Variants in PHACTR2 observed in about 807,000 individuals in gnomAD.
The protein encoded by PHACTR2 is phosphatase and actin regulator 2, also known as chromosome 6 open reading frame 56.
In PHACTR2, 30 loss-of-function variants were observed where a neutral mutation model predicts 76.0. That is an observed-to-expected ratio of 0.39 (90% CI 0.30 to 0.54). The LOEUF (loss-of-function observed/expected upper bound fraction) is 0.54. Among genes scored for constraint, PHACTR2 ranks in the 20% least tolerant of loss-of-function variants. The pLI is 0.61. For missense variants in PHACTR2, 696 were observed against 781.1 expected (o/e 0.89, Z 1.30); for synonymous variants, 292 against 292.5 (o/e 1.00, Z 0.02).
At chr6:143,630,894 A>G (rs781223837) in intron 1 of PHACTR2, among the ~76,000 whole-genome samples, 3 of 152,234 alleles carry the variant, frequency 2.0e-5, no homozygotes, top group Non-Finnish European at 4.4e-5. Context: ...ACAAAAAGTC[A>G]TTCCTAGGTC....
In PHACTR2 at chr6:143,596,343, T is replaced by C. The variant is rs1262832896; in HGVS notation, c.217+59136T>C. Among the ~76,000 whole-genome samples the C allele has an allele frequency of 1.3e-5, 2 of 152,204 alleles. No individual in the cohort carries two copies. The highest frequency in any genetic ancestry group is 4.8e-5 in the African/African-American group (2 of 41,448). On this transcript the variant is annotated intron_variant, in intron 1 of 11. Transcript: ENST00000367584. This position sits in a 1 kb window ranked among gnomAD's most constrained non-coding sequence, Gnocchi z 4.6. ...GGGTCGTCCTTTCTCAGAAGGTTTA[T>C]TTCTTGGTGGTGATCTTGTTATTGA...
chr6:143,768,301 T>C (rs1005484819), intron 6 of PHACTR2, among the ~76,000 whole-genome samples: 3 of 152,198 alleles, frequency 2.0e-5, no homozygotes, highest in African/African-American at 7.2e-5. Flanking sequence ...TTACAGCATA[T>C]ATTTTTTGAT....
In PHACTR2 at chr6:143,672,276, C is replaced by T. The variant is rs1227773096; in HGVS notation, c.14-39740C>T. ...AGCAAGCCTGGGCAATATAGTGAGA[C>T]CCTATCTCTACAAAAAAAAAAAAAA... On this transcript the variant is annotated intron_variant, in intron 1 of 11. Coordinates refer to the PHACTR2 transcript ENST00000305766. This position sits in a 1 kb window ranked among gnomAD's most constrained non-coding sequence, Gnocchi z 5.8. Among the ~76,000 whole-genome samples the T allele has an allele frequency of 1.3e-5, 2 of 149,710 alleles. No individual in the cohort carries two copies. The highest frequency in any genetic ancestry group is 3.9e-4 in the East Asian group (2 of 5,174).
intron 9 of PHACTR2, among the ~76,000 whole-genome samples, chr6:143,781,618 C>T (rs1775436368): frequency 6.6e-6 from 1 of 152,166 alleles, no homozygotes; most frequent in Non-Finnish European, 1.5e-5. Flanking sequence ...CCTTGTAAAG[C>T]TCTGGTTTAA....
At chr6:143,587,678 T>C (rs9496687) in intron 1 of PHACTR2, among the ~76,000 whole-genome samples, 106,781 of 151,938 alleles carry the variant, frequency 0.7, 37,919 homozygotes, top group Middle Eastern at 0.8. Flanking sequence ...ACTCACTACT[T>C]TTTCATCCAT....
chr6:143,596,601 T>A lies in PHACTR2; in HGVS notation c.217+59394T>A. Among the ~76,000 whole-genome samples, 1 of 152,148 alleles carries A rather than the reference T, an allele frequency of 6.6e-6. No homozygotes were observed. The highest frequency in any genetic ancestry group is 2.1e-4 in the South Asian group (1 of 4,824). ...TGCCTGTAATCCCAGCATTATGGGATGCCAAGGTGGGAGGATCACATGAGC... is the reference window on the plus strand; with the variant it reads ...TGCCTGTAATCCCAGCATTATGGGAAGCCAAGGTGGGAGGATCACATGAGC... On this transcript the variant is annotated intron_variant, in intron 1 of 11. Coordinates refer to the PHACTR2 transcript ENST00000367584. This position sits in a 1 kb window ranked among gnomAD's most constrained non-coding sequence, Gnocchi z 4.6.
rs149982166 is a variant in PHACTR2 at position 143,668,743 on chromosome 6, G to A, written c.14-43273G>A. Among the ~76,000 whole-genome samples the A allele has an allele frequency of 2.1e-3, 317 of 151,986 alleles. 2 individuals carry two copies. The highest frequency in any genetic ancestry group is 7.1e-3 in the African/African-American group (293 of 41,476). On this transcript the variant is annotated intron_variant, in intron 1 of 11. Transcript: ENST00000305766. ...AATATCCCCTTTATCATTTTTTATCGTGTCTATTTGATTCTTCTCTCTTCT... is the reference window on the plus strand; with the variant it reads ...AATATCCCCTTTATCATTTTTTATCATGTCTATTTGATTCTTCTCTCTTCT...
Position 143,621,934 on chromosome 6 carries a change from C to A in PHACTR2, c.13+13612C>A, listed in dbSNP as rs1467426820. Among the ~76,000 whole-genome samples the A allele has an allele frequency of 6.6e-6, 1 of 152,144 alleles. No individual in the cohort carries two copies. Among genetic ancestry groups the A allele is most frequent in the Non-Finnish European group, 1.5e-5 (1 of 68,032 alleles). On this transcript the variant is annotated intron_variant, in intron 1 of 11. Coordinates refer to the PHACTR2 transcript ENST00000305766. The surrounding 1 kb of genome is among the most constrained non-coding windows in gnomAD (Gnocchi z 4.1). ...TGTTGTGCACTTGCTTCTGGCAGCT[C>A]CCATCTCCCTCCTTCTAATCTGCTG...
rs897684853 is a variant in PHACTR2, at chr6:143,597,971, G to A, written c.217+60764G>A. Reference sequence around the variant, plus strand: ...CTTCAGGTGCACCTACGGAAGTAGCGGTGGGGGCTTTGGCTGTTTCTGAGC... The same window carrying A: ...CTTCAGGTGCACCTACGGAAGTAGCAGTGGGGGCTTTGGCTGTTTCTGAGC... On this transcript the variant is annotated intron_variant, in intron 1 of 11. Transcript: ENST00000367584. The surrounding 1 kb of genome is among the most constrained non-coding windows in gnomAD (Gnocchi z 5.7). Among the ~76,000 whole-genome samples the A allele has an allele frequency of 3.3e-5, 5 of 152,108 alleles. No individual in the cohort carries two copies. Among genetic ancestry groups the A allele is most frequent in the Admixed American group, 6.5e-5 (1 of 15,270 alleles).
chr6:143,710,545 T>C lies in PHACTR2; in HGVS notation c.47-1471T>C, dbSNP rs1247468687. 1.3e-5 allele frequency among the ~76,000 whole-genome samples: 2 copies of C among 152,032 alleles called. No individual in the cohort carries two copies. The highest frequency in any genetic ancestry group is 2.9e-5 in the Non-Finnish European group (2 of 67,992). On this transcript the variant is annotated intron_variant, in intron 1 of 12. Coordinates refer to ENST00000440869, the MANE Select transcript of PHACTR2 (RefSeq NM_001100164.2). This position sits in a 1 kb window ranked among gnomAD's most constrained non-coding sequence, Gnocchi z 4.9. ...CCGTCTCTACTAAAAATACAAAAATTAGCCAGGCCTGGTGGCATGTGCCTG... is the reference window on the plus strand; with the variant it reads ...CCGTCTCTACTAAAAATACAAAAATCAGCCAGGCCTGGTGGCATGTGCCTG...
At chr6:143,707,185 AAC>A (rs1778074616) in intron 1 of PHACTR2, among the ~76,000 whole-genome samples, 1 of 152,174 alleles carries the variant, frequency 6.6e-6, no homozygotes, top group Non-Finnish European at 1.5e-5. Flanking sequence ...ACAAAAAAAT[AAC>A]AAAGCCTGGA....
chr6:143,592,131 A>T lies in PHACTR2; in HGVS notation c.217+54924A>T, dbSNP rs543212711. ...CTCTCTCAGTGCCACCATGTTCCAG[A>T]TCATTATGAAGGTGTATTGGTTAAG... On this transcript the variant is annotated intron_variant, in intron 1 of 11. Coordinates refer to the PHACTR2 transcript ENST00000367584. This position sits in a 1 kb window ranked among gnomAD's most constrained non-coding sequence, Gnocchi z 4.0. Among the ~76,000 whole-genome samples, 2 of 152,304 alleles carry T rather than the reference A, an allele frequency of 1.3e-5. No homozygotes were observed. Among genetic ancestry groups the T allele is most frequent in the South Asian group, 4.1e-4 (2 of 4,826 alleles).
In PHACTR2 at chr6:143,731,925, T is replaced by G. The variant is rs2128465822; in HGVS notation, c.215-17060T>G. Among the ~76,000 whole-genome samples, 1 of 152,382 alleles carries G rather than the reference T, an allele frequency of 6.6e-6. No homozygotes were observed. Among genetic ancestry groups the G allele is most frequent in the East Asian group, 1.9e-4 (1 of 5,196 alleles). ...TATAGGACCATTCAGGTGATCTCTT[T>G]TAACTTGGGTAAGTTTAAGCAGGCC... On this transcript the variant is annotated intron_variant, in intron 2 of 12. Transcript: ENST00000440869. The surrounding 1 kb of genome is among the most constrained non-coding windows in gnomAD (Gnocchi z 4.9).
intron 1 of PHACTR2, among the ~76,000 whole-genome samples, chr6:143,564,542 G>A (rs918812432): frequency 2.0e-5 from 3 of 152,010 alleles, no homozygotes; most frequent in East Asian, 3.9e-4. Context: ...TCATTAGAGG[G>A]GGAAGCCTGG....
rs1371049834 is a variant in PHACTR2 at position 143,549,665 on chromosome 6, C to T, written c.217+12458C>T. On this transcript the variant is annotated intron_variant, in intron 1 of 11. Transcript: ENST00000367584. This position sits in a 1 kb window ranked among gnomAD's most constrained non-coding sequence, Gnocchi z 4.2. ...ACATTAAAATCTGTAAGCAAATGTC[C>T]CTGTTCCACCTCCCCTTCCTGAGCT... Among the ~76,000 whole-genome samples the T allele has an allele frequency of 6.6e-6, 1 of 151,966 alleles. No individual in the cohort carries two copies. The highest frequency in any genetic ancestry group is 1.9e-4 in the East Asian group (1 of 5,192).
rs1776419064 is a variant in PHACTR2, at chr6:143,821,609, A to G, written c.1923-2065A>G. On this transcript the variant is annotated intron_variant, in intron 12 of 12. Coordinates refer to ENST00000440869, the MANE Select transcript of PHACTR2 (RefSeq NM_001100164.2). This position sits in a 1 kb window ranked among gnomAD's most constrained non-coding sequence, Gnocchi z 5.2. Reference sequence around the variant, plus strand: ...TTATGGGAACACAGGAAAGAGAGCAATTAGTGCTTCCCTGAGCAGTGGAGA... The same window carrying G: ...TTATGGGAACACAGGAAAGAGAGCAGTTAGTGCTTCCCTGAGCAGTGGAGA... 6.6e-6 allele frequency among the ~76,000 whole-genome samples: 1 copy of G among 152,242 alleles called. No individual in the cohort carries two copies. Among genetic ancestry groups the G allele is most frequent in the Non-Finnish European group, 1.5e-5 (1 of 68,040 alleles).
rs1775700732 is a variant in PHACTR2 at position 143,791,942 on chromosome 6, C to T, written c.1845+3032C>T. ...ATTTTCAGGGTACATTTCATCACTC[C>T]CTGCCTATCCCCTTACTTACTAAGC... On this transcript the variant is annotated intron_variant, in intron 11 of 12. Coordinates refer to ENST00000440869, the MANE Select transcript of PHACTR2 (RefSeq NM_001100164.2). This position sits in a 1 kb window ranked among gnomAD's most constrained non-coding sequence, Gnocchi z 4.7. Among the ~76,000 whole-genome samples the T allele has an allele frequency of 6.6e-6, 1 of 152,104 alleles. No homozygotes were observed. Among genetic ancestry groups the T allele is most frequent in the African/African-American group, 2.4e-5 (1 of 41,408 alleles).
At chr6:143,676,036 C>A (rs1777239372), upstream of PHACTR2, among the ~76,000 whole-genome samples, 1 of 152,172 alleles carries the variant, frequency 6.6e-6, no homozygotes, top group Non-Finnish European at 1.5e-5. This position sits in a 1 kb window ranked among gnomAD's most constrained non-coding sequence, Gnocchi z 4.8. Context: ...ATCAGAAGCT[C>A]TAGAAACCAA....
intron 1 of PHACTR2, among the ~76,000 whole-genome samples, chr6:143,540,578 C>G (rs1247688140): frequency 6.6e-6 from 1 of 152,060 alleles, no homozygotes; most frequent in Non-Finnish European, 1.5e-5. Flanking sequence ...CCAAGAGAAT[C>G]GGCTTCCCCT....
Sources: allele counts gnomAD v4.1 joint callset (sites outside exome capture counted in the v4.1 genomes callset), GRCh38; gene constraint gnomAD v4.1.1; non-coding constraint Gnocchi (gnomAD v3.1); transcripts MANE v1.5; gene names NCBI Gene and HGNC (gene_info 2026-07-23, HGNC 2026-07-21).